Variants in MARCHF1 observed in about 807,000 individuals in gnomAD.
MARCHF1 encodes E3 ubiquitin-protein ligase MARCHF1.
MARCHF1 carries 40 observed loss-of-function variants against 54.2 expected under a neutral mutation model. The observed-to-expected ratio is 0.74, with a 90% CI of 0.57 to 0.96. The LOEUF is 0.96. Ranked by LOEUF, MARCHF1 falls within the 40% of genes least tolerant of loss-of-function variation. MARCHF1 has a pLI of 0.00. For synonymous variants in MARCHF1, 236 were observed against 236.3 expected (o/e 1.00, Z 0.01); for missense variants, 586 against 656.5 (o/e 0.89, Z 1.17).
At chr4:164,165,923 G>A (rs1236892987) in intron 1 of MARCHF1, among the ~76,000 whole-genome samples, 1 of 151,970 alleles carries the variant, frequency 6.6e-6, no homozygotes, top group African/African-American at 2.4e-5. Flanking sequence ...AATGAAAGAG[G>A]AGTGAAATGC....
intron 7 of MARCHF1, among the ~76,000 whole-genome samples, chr4:163,589,666 G>A (rs1315142886): frequency 6.6e-6 from 1 of 152,070 alleles, no homozygotes; most frequent in Non-Finnish European, 1.5e-5. Flanking sequence ...AATTATAAAT[G>A]GAAACAGCAA....
intron 1 of MARCHF1, among the ~76,000 whole-genome samples, chr4:164,331,096 A>G (rs1735422369): frequency 1.3e-5 from 2 of 152,164 alleles, no homozygotes; most frequent in African/African-American, 2.4e-5. Context: ...AATCCTTTTT[A>G]TATCATTAGT....
At chr4:163,873,213 G>A (rs576923943) in intron 3 of MARCHF1, among the ~76,000 whole-genome samples, 5 of 152,212 alleles carry the variant, frequency 3.3e-5, no homozygotes, top group South Asian at 2.1e-4. Flanking sequence ...AGCCTAAGTA[G>A]TTTCCCTTTA....
chr4:163,692,506 G>A (rs1744493636), intron 5 of MARCHF1, among the ~76,000 whole-genome samples: 1 of 152,170 alleles, frequency 6.6e-6, no homozygotes, highest in Non-Finnish European at 1.5e-5. Context: ...ACAAGAGGAA[G>A]TCAGTGTGTC....
At chr4:164,215,266 GCCT>G (rs1731896773) in intron 1 of MARCHF1, among the ~76,000 whole-genome samples, 1 of 152,112 alleles carries the variant, frequency 6.6e-6, no homozygotes, top group Admixed American at 6.5e-5. Flanking sequence ...GCCAAACCCC[GCCT>G]CCTTCCTTCG....
rs560971348 is a variant in MARCHF1 at position 163,930,479 on chromosome 4, T to G, written c.-39+58022A>C. ...GTGGTTTGGGCCTTTGAAAATGGTGTTTTTTTTTTTTTTTTCTGGTGTGAT... is the reference window on the plus strand; with the variant it reads ...GTGGTTTGGGCCTTTGAAAATGGTGGTTTTTTTTTTTTTTTCTGGTGTGAT... On this transcript the variant is annotated intron_variant, in intron 3 of 9. Coordinates refer to ENST00000514618, the MANE Select transcript of MARCHF1 (RefSeq NM_001394959.1). Among the ~76,000 whole-genome samples, 43 of 84,540 alleles carry G rather than the reference T, an allele frequency of 5.1e-4. 1 individual carries two copies. The highest frequency in any genetic ancestry group is 1.2e-3 in the African/African-American group (35 of 29,278). The allele number at this position is 84,540 out of a possible 152,430, so 55.5% of individuals were successfully genotyped here. A position where few individuals can be genotyped will look rare whatever the true frequency, so the allele number is the denominator to read the frequency against.
In MARCHF1 at chr4:164,340,094, C is replaced by A. The variant is rs1039711582; in HGVS notation, c.-323+43776G>T. Among the ~76,000 whole-genome samples the A allele has an allele frequency of 5.2e-4, 79 of 151,990 alleles. 1 individual carries two copies. The highest frequency in any genetic ancestry group is 1.8e-3 in the African/African-American group (74 of 41,478). On this transcript the variant is annotated intron_variant, in intron 1 of 9. Transcript: ENST00000514618. Reference sequence around the variant, plus strand: ...TGAGTAAGGAGATTGAATCAGTAATCAAAAACCTCCCAAAAAAGAAAAAGC... The same window carrying A: ...TGAGTAAGGAGATTGAATCAGTAATAAAAAACCTCCCAAAAAAGAAAAAGC...
chr4:163,910,610 T>C (rs990274340), intron 3 of MARCHF1, among the ~76,000 whole-genome samples: 2 of 152,218 alleles, frequency 1.3e-5, no homozygotes, highest in Non-Finnish European at 2.9e-5. Context: ...TTCCCCTGCC[T>C]CAGCCTCATG....
intron 1 of MARCHF1, among the ~76,000 whole-genome samples, chr4:164,325,673 G>A (rs112996130): frequency 1.1e-4 from 16 of 151,948 alleles, no homozygotes; most frequent in Non-Finnish European, 2.2e-4. Context: ...AAGTTGCAGT[G>A]AGCCAAGATC....
chr4:163,605,911 T>TG (rs1357199058), intron 7 of MARCHF1, among the ~76,000 whole-genome samples: 1 of 151,938 alleles, frequency 6.6e-6, no homozygotes, highest in Non-Finnish European at 1.5e-5. Flanking sequence ...TGTTGCGGGT[T>TG]GGGGGGCTAG....
chr4:164,262,919 A>C (rs1173536532), intron 1 of MARCHF1, among the ~76,000 whole-genome samples: 2 of 152,238 alleles, frequency 1.3e-5, no homozygotes, highest in Non-Finnish European at 1.5e-5. Context: ...CATAGAAACC[A>C]CAAAGGTCTA....
At chr4:163,633,165 T>G (rs962609541) in intron 5 of MARCHF1, among the ~76,000 whole-genome samples, 1 of 152,014 alleles carries the variant, frequency 6.6e-6, no homozygotes, top group South Asian at 2.1e-4. Flanking sequence ...ACAGAAAAAC[T>G]GGAAACTCTA....
At chr4:164,258,041 G>A (rs1733342505) in intron 1 of MARCHF1, among the ~76,000 whole-genome samples, 1 of 152,118 alleles carries the variant, frequency 6.6e-6, no homozygotes, top group Admixed American at 6.5e-5. Flanking sequence ...AGAAAATGTG[G>A]TACATATACA....
intron 1 of MARCHF1, among the ~76,000 whole-genome samples, chr4:164,200,847 G>A (rs1157507782): frequency 6.6e-6 from 1 of 152,168 alleles, no homozygotes; most frequent in African/African-American, 2.4e-5. Context: ...CAGGTGAATG[G>A]TTGGAAGATC....
chr4:164,059,317 G>A (rs13130354), intron 2 of MARCHF1, among the ~76,000 whole-genome samples: 6,965 of 152,176 alleles, frequency 0.046, 216 homozygotes, highest in Middle Eastern at 0.14. Flanking sequence ...CACCAAGAGC[G>A]TTCCAATGTG....
At chr4:163,542,340 A>G (rs1738746640) in intron 9 of MARCHF1, among the ~76,000 whole-genome samples, 1 of 152,252 alleles carries the variant, frequency 6.6e-6, no homozygotes, top group Non-Finnish European at 1.5e-5. Context: ...ACCAGTGTTC[A>G]GCACCGGGGA....
chr4:163,729,550 G>GT (rs1273064434), intron 4 of MARCHF1, among the ~76,000 whole-genome samples: 2 of 151,944 alleles, frequency 1.3e-5, no homozygotes, highest in African/African-American at 4.8e-5. Context: ...CCTACTCAAA[G>GT]TTTTTTATTT....
chr4:164,201,574 T>C (rs1056697406), intron 1 of MARCHF1, among the ~76,000 whole-genome samples: 1 of 152,144 alleles, frequency 6.6e-6, no homozygotes, highest in Non-Finnish European at 1.5e-5. Flanking sequence ...GAGGCTATTG[T>C]AGCAGTATAG....
chr4:163,839,392 G>T (rs1326234225), intron 4 of MARCHF1, among the ~76,000 whole-genome samples: 1 of 151,894 alleles, frequency 6.6e-6, no homozygotes, highest in Admixed American at 6.6e-5. Context: ...AAAAATATAG[G>T]TTCACATAAA....
Sources: allele counts gnomAD v4.1 joint callset (sites outside exome capture counted in the v4.1 genomes callset), GRCh38; gene constraint gnomAD v4.1.1; transcripts MANE v1.5; gene names NCBI Gene and HGNC (gene_info 2026-07-23, HGNC 2026-07-21).